SAMD3: variants seen among roughly 807,000 people sequenced by gnomAD.
SAMD3 encodes the protein sterile alpha motif domain-containing protein 3.
A neutral mutation model predicts 58.5 loss-of-function variants in SAMD3; 63 were observed. That is an observed-to-expected ratio of 1.08 (90% CI 0.88 to 1.33). The LOEUF is 1.33. SAMD3 is among the 40% of genes most tolerant of loss of function. The pLI is 0.00. For missense variants in SAMD3, 604 were observed against 608.4 expected (o/e 0.99, Z 0.08); for synonymous variants, 220 against 210.3 (o/e 1.05, Z -0.40).
chr6:130,230,241 G>A (rs542061526), intron 2 of SAMD3, among the ~76,000 whole-genome samples: 4 of 152,158 alleles, frequency 2.6e-5, no homozygotes, highest in Non-Finnish European at 5.9e-5. Context: ...ACAATCCAAA[G>A]TATATAATAT....
chr6:130,294,523 T>C (rs985280159), intron 2 of SAMD3, among the ~76,000 whole-genome samples: 4 of 152,214 alleles, frequency 2.6e-5, no homozygotes, highest in Non-Finnish European at 5.9e-5. Context: ...GTTTCTTTTT[T>C]ATTCTTATAT....
chr6:130,215,601 T>C lies in SAMD3; in HGVS notation c.-21-307A>G, dbSNP rs1410865326. On this transcript the variant is annotated intron_variant, in intron 2 of 11. Transcript: ENST00000439090. ...ACAGACAGCCAGGGACATACAATGG[T>C]ACCCAATCCTGTACCATTAACACCC... The C allele has an allele frequency of 2.2e-6, 3 of 1,363,050 alleles. No individual in the cohort carries two copies. The East Asian group carries it at 8.0e-5, about 36-fold the overall frequency. 84.4% of individuals were successfully genotyped at this position (1,363,050 alleles called of 1,614,324 possible).
intron 2 of SAMD3, among the ~76,000 whole-genome samples, chr6:130,266,096 A>G (rs1233497607): frequency 1.3e-5 from 2 of 152,310 alleles, no homozygotes; most frequent in East Asian, 1.9e-4. Context: ...AAAAAAGGGG[A>G]ACGTGTAACC....
intron 5 of SAMD3, among the ~76,000 whole-genome samples, chr6:130,186,820 G>A (rs1226598810): frequency 1.5e-5 from 2 of 135,022 alleles, no homozygotes; most frequent in African/African-American, 5.7e-5. Flanking sequence ...ACCCAGGCTG[G>A]AGTGCAGTGG....
chr6:130,292,866 C>T (rs1212934679), intron 2 of SAMD3, among the ~76,000 whole-genome samples: 2 of 152,120 alleles, frequency 1.3e-5, no homozygotes, highest in African/African-American at 2.4e-5. Context: ...GATCTGCCCG[C>T]CTCGGCCTCC....
rs543038803 is a variant in SAMD3 at position 130,188,303 on chromosome 6, G to A, written c.384-3680C>T. On this transcript the variant is annotated intron_variant, in intron 5 of 11. Transcript: ENST00000439090. ...TAAGGAACAATCTGAAAGCACAGAAGAACAGCAGTTGGTAGGGAGCAGAAG... is the reference window on the plus strand; with the variant it reads ...TAAGGAACAATCTGAAAGCACAGAAAAACAGCAGTTGGTAGGGAGCAGAAG... Among the ~76,000 whole-genome samples, 185 of 152,318 alleles carry A rather than the reference G, an allele frequency of 1.2e-3. 1 individual carries two copies. Among genetic ancestry groups the A allele is most frequent in the African/African-American group, 4.3e-3 (177 of 41,576 alleles).
chr6:130,278,171 A>G (rs1261074292), intron 2 of SAMD3, among the ~76,000 whole-genome samples: 1 of 152,142 alleles, frequency 6.6e-6, no homozygotes, highest in Admixed American at 6.5e-5. Context: ...GGCTCATCCA[A>G]TCTTGTGGAC....
chr6:130,243,072 G>A (rs535900744), intron 2 of SAMD3, among the ~76,000 whole-genome samples: 4 of 152,226 alleles, frequency 2.6e-5, no homozygotes, highest in African/African-American at 7.2e-5. Context: ...TCCCAAAGTT[G>A]TTCCCCCGCT....
At chr6:130,274,457 C>T (rs553426877) in intron 2 of SAMD3, among the ~76,000 whole-genome samples, 51 of 152,218 alleles carry the variant, frequency 3.4e-4, no homozygotes, top group African/African-American at 1.1e-3. Flanking sequence ...ATATTTTAGT[C>T]GAGTGACATG....
chr6:130,237,080 A>T (rs1773177040), intron 2 of SAMD3, among the ~76,000 whole-genome samples: 1 of 146,120 alleles, frequency 6.8e-6, no homozygotes, highest in South Asian at 2.1e-4. Flanking sequence ...ATTAATGACT[A>T]CTATGTACTA....
intron 5 of SAMD3, among the ~76,000 whole-genome samples, chr6:130,203,116 C>T (rs1276114534): frequency 6.6e-6 from 1 of 152,234 alleles, no homozygotes; most frequent in African/African-American, 2.4e-5. Context: ...CTTCCAGACA[C>T]TGCTGGCCTA....
At chr6:130,327,175 G>C (rs1304162956) in intron 1 of SAMD3, among the ~76,000 whole-genome samples, 1 of 151,918 alleles carries the variant, frequency 6.6e-6, no homozygotes, top group African/African-American at 2.4e-5. Flanking sequence ...TATACAGATG[G>C]ACAGCTATAA....
intron 2 of SAMD3, among the ~76,000 whole-genome samples, chr6:130,259,477 C>A (rs34971176): frequency 0.011 from 1,617 of 152,272 alleles, 30 homozygotes; most frequent in South Asian, 0.072. Context: ...GAGTGATCAG[C>A]CTCCATGATC....
intron 9 of SAMD3, 47 bp from the exon 10 acceptor site, chr6:130,146,228 T>C (rs765632696): frequency 8.2e-7 from 1 of 1,223,488 alleles, no homozygotes; most frequent in Non-Finnish European, 1.1e-6. Flanking sequence ...CAAGAAAAGC[T>C]AATATATAGA....
intron 1 of SAMD3, among the ~76,000 whole-genome samples, chr6:130,342,173 C>T (rs897080963): frequency 1.3e-5 from 2 of 152,114 alleles, no homozygotes; most frequent in Non-Finnish European, 2.9e-5. Context: ...ATAGCTTTTA[C>T]CAGATTCTCA....
intron 2 of SAMD3, among the ~76,000 whole-genome samples, chr6:130,245,249 T>C (rs780408511): frequency 6.6e-6 from 1 of 152,196 alleles, no homozygotes; most frequent in Non-Finnish European, 1.5e-5. Flanking sequence ...AAGTAGAAAA[T>C]ACACTGTGAT....
downstream of SAMD3, chr6:130,144,087 TGTTCAATGCAA>T (rs1447170832): frequency 6.2e-6 from 1 of 160,678 alleles, no homozygotes; most frequent in African/African-American, 2.4e-5. Context: ...CTTCTTGAAA[TGTTCAATGCAA>T]GTTCAAAATG....
intron 1 of SAMD3, among the ~76,000 whole-genome samples, chr6:130,349,731 T>G (rs190288908): frequency 2.5e-3 from 384 of 152,272 alleles, no homozygotes; most frequent in Admixed American, 3.4e-3. Context: ...GAGGCCAGCA[T>G]CATCTTGATA....
At chr6:130,156,322 TC>T (rs1192410431) in intron 8 of SAMD3, among the ~76,000 whole-genome samples, 1 of 150,894 alleles carries the variant, frequency 6.6e-6, no homozygotes, top group Non-Finnish European at 1.5e-5. Flanking sequence ...CAAGACTGTC[TC>T]AAAAAAAAAG....
Sources: allele counts gnomAD v4.1 joint callset (sites outside exome capture counted in the v4.1 genomes callset), GRCh38; gene constraint gnomAD v4.1.1; transcripts MANE v1.5; gene names NCBI Gene and HGNC (gene_info 2026-07-23, HGNC 2026-07-21).